WDFY2: variants seen among roughly 807,000 people sequenced by gnomAD.
WDFY2 encodes the protein WD repeat and FYVE domain containing 2, also known as WD repeat and FYVE domain-containing protein 2.
WDFY2 carries 36 observed loss-of-function variants against 56.4 expected under a neutral mutation model. The ratio of observed to expected loss-of-function variants is 0.64; its 90% confidence interval spans 0.49 to 0.84. The LOEUF (loss-of-function observed/expected upper bound fraction) is 0.84. Among genes scored for constraint, WDFY2 ranks in the 40% least tolerant of loss-of-function variants. WDFY2 has a pLI of 0.00. For synonymous variants in WDFY2, 176 were observed against 183.7 expected (o/e 0.96, Z 0.34); for missense variants, 444 against 512.2 (o/e 0.87, Z 1.29).
intron 2 of WDFY2, among the ~76,000 whole-genome samples, chr13:51,671,887 G>A (rs1219229005): frequency 1.3e-5 from 2 of 148,172 alleles, no homozygotes; most frequent in Non-Finnish European, 3.0e-5. Flanking sequence ...GGATTCAAGC[G>A]ATTCTCGTGC....
chr13:51,709,711 T>A (rs1279677230), intron 4 of WDFY2, among the ~76,000 whole-genome samples: 2 of 152,042 alleles, frequency 1.3e-5, no homozygotes, highest in African/African-American at 4.8e-5. Context: ...CCTGGACACA[T>A]ACACCCTCCC....
At chr13:51,617,978 G>A (rs1035178546) in intron 1 of WDFY2, among the ~76,000 whole-genome samples, 1 of 152,144 alleles carries the variant, frequency 6.6e-6, no homozygotes, top group Non-Finnish European at 1.5e-5. Flanking sequence ...TTATTCAGCA[G>A]CCTTGGTCTA....
intron 7 of WDFY2, among the ~76,000 whole-genome samples, chr13:51,749,415 C>T (rs1192896589): frequency 1.3e-5 from 2 of 152,128 alleles, no homozygotes; most frequent in East Asian, 3.8e-4. Flanking sequence ...ATTAATGCTC[C>T]TGGCATAATC....
At chr13:51,638,864 G>T (rs1955101922) in intron 1 of WDFY2, among the ~76,000 whole-genome samples, 1 of 152,296 alleles carries the variant, frequency 6.6e-6, no homozygotes, top group South Asian at 2.1e-4. Context: ...ATCAGCCTTA[G>T]CTCAAGCTCA....
intron 1 of WDFY2, among the ~76,000 whole-genome samples, chr13:51,639,085 G>A (rs955923167): frequency 2.0e-5 from 3 of 152,070 alleles, no homozygotes; most frequent in African/African-American, 7.2e-5. Flanking sequence ...AAAATCAAGG[G>A]AGGTCAAGAA....
intron 1 of WDFY2, among the ~76,000 whole-genome samples, chr13:51,638,919 T>C (rs1955103580): frequency 6.6e-6 from 1 of 152,236 alleles, no homozygotes; most frequent in Non-Finnish European, 1.5e-5. Context: ...TGATAAATTC[T>C]TGAAGAAAAT....
chr13:51,692,461 T>G (rs1951761046), intron 3 of WDFY2, among the ~76,000 whole-genome samples: 1 of 152,246 alleles, frequency 6.6e-6, no homozygotes, highest in South Asian at 2.1e-4. Flanking sequence ...TCATGTGGTT[T>G]TTCTCTTTGG....
At chr13:51,687,229 G>A (rs1486849545) in intron 3 of WDFY2, among the ~76,000 whole-genome samples, 1 of 151,668 alleles carries the variant, frequency 6.6e-6, no homozygotes, top group Non-Finnish European at 1.5e-5. Context: ...CTATGTGCCA[G>A]GCAGTGTTCT....
At chr13:51,623,854 T>A (rs1415534024) in intron 1 of WDFY2, among the ~76,000 whole-genome samples, 2 of 151,854 alleles carry the variant, frequency 1.3e-5, no homozygotes, top group African/African-American at 4.8e-5. Context: ...TTTTTTTTTT[T>A]AAAGGAATAG....
At chr13:51,738,215 G>T (rs1052690183) in intron 6 of WDFY2, among the ~76,000 whole-genome samples, 1 of 152,126 alleles carries the variant, frequency 6.6e-6, no homozygotes, top group Admixed American at 6.5e-5. Context: ...GTGTTTGCAG[G>T]CTTTGTGCAC....
chr13:51,709,955 TACCA>T (rs1952172648), intron 4 of WDFY2, among the ~76,000 whole-genome samples: 1 of 152,116 alleles, frequency 6.6e-6, no homozygotes, highest in African/African-American at 2.4e-5. Context: ...ATCATCCTGA[TACCA>T]AAGCCTGGCA....
chr13:51,648,500 C>T (rs936793325), intron 1 of WDFY2, among the ~76,000 whole-genome samples: 1 of 152,094 alleles, frequency 6.6e-6, no homozygotes, highest in African/African-American at 2.4e-5. Context: ...AATGTGGTTC[C>T]TTCTCTGCTT....
At chr13:51,714,404 G>A (rs556781045) in intron 4 of WDFY2, among the ~76,000 whole-genome samples, 1 of 152,188 alleles carries the variant, frequency 6.6e-6, no homozygotes, top group African/African-American at 2.4e-5. Context: ...TGATTCTCCT[G>A]CCTCAGCCTC....
intron 2 of WDFY2, among the ~76,000 whole-genome samples, chr13:51,673,311 A>G (rs1366955919): frequency 6.6e-6 from 1 of 152,216 alleles, no homozygotes; most frequent in Non-Finnish European, 1.5e-5. Flanking sequence ...AGGAAATCAC[A>G]CAGGAAATAC....
intron 1 of WDFY2, among the ~76,000 whole-genome samples, chr13:51,600,884 T>C (rs1408436326): frequency 1.3e-5 from 2 of 152,218 alleles, no homozygotes; most frequent in Non-Finnish European, 2.9e-5. Context: ...CTGACCTTCA[T>C]TGCTATTTTC....
chr13:51,693,673 G>A (rs764236150), intron 3 of WDFY2, among the ~76,000 whole-genome samples: 19,330 of 150,490 alleles, frequency 0.13, 1,540 homozygotes, highest in South Asian at 0.2. Flanking sequence ...ATTTGGGGTG[G>A]AGAGTTCTGT....
intron 4 of WDFY2, among the ~76,000 whole-genome samples, chr13:51,705,608 GTAGGTA>G (rs1952066910): frequency 6.6e-6 from 1 of 151,160 alleles, no homozygotes; most frequent in African/African-American, 2.4e-5. Flanking sequence ...TGGGTAGATA[GTAGGTA>G]TATATATTTG....
chr13:51,614,055 G>A (rs1051788623), intron 1 of WDFY2, among the ~76,000 whole-genome samples: 2 of 151,780 alleles, frequency 1.3e-5, no homozygotes, highest in African/African-American at 2.4e-5. Context: ...GCCTGGTGGT[G>A]GGCGCCTGTA....
chr13:51,743,500 A>G (rs996237500), intron 7 of WDFY2, among the ~76,000 whole-genome samples: 1 of 152,254 alleles, frequency 6.6e-6, no homozygotes, highest in Non-Finnish European at 1.5e-5. Flanking sequence ...GGCCTGTTAA[A>G]TGGCGGTTGT....
Sources: allele counts gnomAD v4.1 joint callset (sites outside exome capture counted in the v4.1 genomes callset), GRCh38; gene constraint gnomAD v4.1.1; transcripts MANE v1.5; gene names NCBI Gene and HGNC (gene_info 2026-07-23, HGNC 2026-07-21).